The following CYREN variants were observed in gnomAD, a reference collection of about 807,000 sequenced individuals.
CYREN encodes cell cycle regulator of non-homologous end joining.
A neutral mutation model predicts 9.7 loss-of-function variants in CYREN; 7 were observed. That is an observed-to-expected ratio of 0.72 (90% confidence interval 0.41 to 1.36). CYREN has a LOEUF of 1.36. Ranked by LOEUF, CYREN falls within the 40% of genes most tolerant of loss-of-function variation. CYREN has a pLI of 0.01. For synonymous variants in CYREN, 76 were observed against 77.9 expected (o/e 0.98, Z 0.13); for missense variants, 215 against 198.1 (o/e 1.09, Z -0.51).
At chr7:135,132,529 A>G (rs1828915700) in intron 2 of CYREN, among the ~76,000 whole-genome samples, 1 of 152,194 alleles carries the variant, frequency 6.6e-6, no homozygotes, top group Non-Finnish European at 1.5e-5. Flanking sequence ...AATAAAGTCC[A>G]TTCTTACCAC....
At chr7:135,098,159 A>G (rs1466560555) in intron 2 of CYREN, among the ~76,000 whole-genome samples, 3 of 152,164 alleles carry the variant, frequency 2.0e-5, no homozygotes, top group African/African-American at 7.2e-5. Context: ...CTGGAAACCA[A>G]TTCCTACAAG....
At chr7:135,140,944 C>T (rs1279779636) in intron 2 of CYREN, among the ~76,000 whole-genome samples, 3 of 151,918 alleles carry the variant, frequency 2.0e-5, no homozygotes, top group Non-Finnish European at 2.9e-5. Context: ...GATGTGCTGC[C>T]GGATTCGGTT....
intron 2 of CYREN, among the ~76,000 whole-genome samples, chr7:135,118,371 C>T (rs1048417268): frequency 3.3e-5 from 5 of 152,034 alleles, no homozygotes; most frequent in Non-Finnish European, 7.4e-5. Flanking sequence ...TAGACCCCAC[C>T]CCAATCTCAA....
upstream of CYREN, among the ~76,000 whole-genome samples, chr7:135,171,670 C>G (rs1480488916): frequency 6.6e-6 from 1 of 152,212 alleles, no homozygotes; most frequent in African/African-American, 2.4e-5. Context: ...TGCCAATGCT[C>G]CCAGCTGAAT....
intron 2 of CYREN, among the ~76,000 whole-genome samples, chr7:135,145,076 G>C (rs1829522936): frequency 6.6e-6 from 1 of 150,720 alleles, no homozygotes; most frequent in Admixed American, 6.6e-5. Context: ...ATTTTTTAAG[G>C]CATAAAGCTG....
intron 2 of CYREN, among the ~76,000 whole-genome samples, chr7:135,120,382 G>A (rs1041544730): frequency 4.6e-5 from 7 of 152,062 alleles, no homozygotes; most frequent in African/African-American, 1.7e-4. Flanking sequence ...AAATTACTAA[G>A]TTAACACAAC....
chr7:135,156,492 C>A (rs542360721), intron 2 of CYREN, among the ~76,000 whole-genome samples: 1 of 151,960 alleles, frequency 6.6e-6, no homozygotes, highest in Non-Finnish European at 1.5e-5. Context: ...GTGTAGTCTA[C>A]TGTTGAAGTT....
At chr7:135,143,390 C>G (rs1349114242) in intron 2 of CYREN, among the ~76,000 whole-genome samples, 1 of 152,152 alleles carries the variant, frequency 6.6e-6, no homozygotes, top group African/African-American at 2.4e-5. Flanking sequence ...ACAAATGGTG[C>G]TGGAACAACT....
intron 2 of CYREN, chr7:135,168,045 C>T (rs907911096): frequency 1.7e-5 from 10 of 595,512 alleles, no homozygotes; most frequent in Non-Finnish European, 2.3e-5. Context: ...ACCAACTGCC[C>T]TACAAGGATC....
At chr7:135,170,627 A>G (rs1830598064) in intron 1 of CYREN, 25 bp downstream of exon 1, 1 of 152,094 alleles carries the variant, frequency 6.6e-6, no homozygotes, top group African/African-American at 2.4e-5. Flanking sequence ...GCAAATTCCA[A>G]GCGGTTGTGG....
intron 2 of CYREN, among the ~76,000 whole-genome samples, chr7:135,139,250 GT>G (rs113843055): frequency 6.6e-6 from 1 of 150,904 alleles, no homozygotes; most frequent in East Asian, 1.9e-4. Context: ...AACCTCACTA[GT>G]TTTTTTTTAC....
intron 2 of CYREN, among the ~76,000 whole-genome samples, chr7:135,109,814 A>G (rs908521009): frequency 2.0e-5 from 3 of 152,168 alleles, no homozygotes; most frequent in Non-Finnish European, 4.4e-5. Context: ...ATCACCTCAG[A>G]CTGTCTAGAG....
At chr7:135,161,154 C>A (rs571059558), downstream of CYREN, among the ~76,000 whole-genome samples, 2 of 152,310 alleles carry the variant, frequency 1.3e-5, no homozygotes, top group East Asian at 3.9e-4. The surrounding 1 kb of genome is among the most constrained non-coding windows in gnomAD (Gnocchi z 4.1). Context: ...ATGCCTGGTC[C>A]TGGGCTTCTT....
intron 2 of CYREN, chr7:135,168,104 G>A: frequency 2.3e-6 from 1 of 439,722 alleles, no homozygotes; most frequent in South Asian, 2.4e-5. Flanking sequence ...ATGGATGCAA[G>A]AGGAAGGGAA....
chr7:135,154,813 T>C (rs1488854357), intron 2 of CYREN, among the ~76,000 whole-genome samples: 1 of 152,224 alleles, frequency 6.6e-6, no homozygotes, highest in East Asian at 1.9e-4. Flanking sequence ...ACAAAAATAA[T>C]GTATATTCTG....
At chr7:135,102,611 T>A in intron 2 of CYREN, among the ~76,000 whole-genome samples, 1 of 130,136 alleles carries the variant, frequency 7.7e-6, no homozygotes, top group Non-Finnish European at 1.7e-5. Context: ...AGAACTTTGG[T>A]CCTTTCTCTT....
At chr7:135,164,864 G>A (rs1288557877), downstream of CYREN, 9 of 1,614,080 alleles carry the variant, frequency 5.6e-6, no homozygotes, top group Admixed American at 1.5e-4. Context: ...TGTGGAAGTG[G>A]GTCAGGCTCT....
downstream of CYREN, chr7:135,164,368 C>A: frequency 2.8e-6 from 4 of 1,425,118 alleles, no homozygotes; most frequent in Admixed American, 3.7e-5. Context: ...TGTCTGGACA[C>A]AGGGAACAAG....
At chr7:135,134,992 C>G (rs1585323658) in intron 2 of CYREN, 3 of 1,551,054 alleles carry the variant, frequency 1.9e-6, no homozygotes, top group African/African-American at 2.7e-5. Flanking sequence ...AAGTTTATCA[C>G]CTCTCAAAGG....
Sources: allele counts gnomAD v4.1 joint callset (sites outside exome capture counted in the v4.1 genomes callset), GRCh38; gene constraint gnomAD v4.1.1; non-coding constraint Gnocchi (gnomAD v3.1); transcripts MANE v1.5; gene names NCBI Gene and HGNC (gene_info 2026-07-23, HGNC 2026-07-21).